The following ANO1 variants were observed in gnomAD, a reference collection of about 807,000 sequenced individuals.
ANO1 encodes the protein anoctamin 1, also known as anoctamin-1.
In ANO1, 59 loss-of-function variants were observed where a neutral mutation model predicts 124.0. That is an observed-to-expected ratio of 0.48 (90% CI 0.39 to 0.59). ANO1 has a LOEUF of 0.59. ANO1 is among the 20% of genes least tolerant of loss of function. ANO1 has a pLI of 0.00. For synonymous variants in ANO1, 529 were observed against 532.0 expected (o/e 0.99, Z 0.08); for missense variants, 1,059 against 1,328.0 (o/e 0.80, Z 3.15).
chr11:70,002,126 T>C (rs566896587), intron 1 of ANO1, among the ~76,000 whole-genome samples: 1 of 152,262 alleles, frequency 6.6e-6, no homozygotes, highest in African/African-American at 2.4e-5. Flanking sequence ...AATACCATAT[T>C]TTTAATGTAC....
At chr11:70,106,875 C>T (rs768102535) in intron 5 of ANO1, among the ~76,000 whole-genome samples, 2 of 152,154 alleles carry the variant, frequency 1.3e-5, no homozygotes, top group African/African-American at 2.4e-5. Flanking sequence ...CAGCAGTACT[C>T]GATAGGGAGA....
At chr11:69,995,392 C>A (rs1316395348) in intron 1 of ANO1, among the ~76,000 whole-genome samples, 1 of 152,110 alleles carries the variant, frequency 6.6e-6, no homozygotes, top group African/African-American at 2.4e-5. Flanking sequence ...CCACCATGCC[C>A]GGCCACTGGC....
upstream of ANO1, among the ~76,000 whole-genome samples, chr11:70,076,230 A>G (rs1417969785): frequency 2.6e-5 from 4 of 152,220 alleles, no homozygotes; most frequent in Non-Finnish European, 5.9e-5. Context: ...TACAGTATAA[A>G]TCACAGAAAC....
intron 23 of ANO1, 139 bp downstream of exon 23, chr11:70,180,195 T>C (rs1291178816): frequency 2.6e-6 from 2 of 771,764 alleles, no homozygotes; most frequent in East Asian, 5.1e-5. Context: ...GATTCTCTAG[T>C]TATAAATGTC....
At chr11:70,165,400 C>A in intron 19 of ANO1, 70 bp from the exon 20 acceptor site, 2 of 1,316,302 alleles carry the variant, frequency 1.5e-6, no homozygotes, top group Non-Finnish European at 1.1e-6. Flanking sequence ...TGAGGGTGGG[C>A]CTCCCTGCAG....
chr11:70,040,698 C>T lies in ANO1; in HGVS notation c.59-37844C>T, dbSNP rs563069187. 3.9e-4 allele frequency among the ~76,000 whole-genome samples: 59 copies of T among 152,252 alleles called. 1 individual carries two copies. The South Asian group carries it at 0.012, about 31-fold the overall frequency. ...TCAAATAGAATAAAATAAAATGTGA[C>T]TATTGGATGAGGCAGTTCAGAGCCC... is the stretch of plus-strand genomic sequence containing the variant. On this transcript the variant is annotated intron_variant, in intron 1 of 27. Transcript: ENST00000531349.
rs962715300 is a variant in ANO1, at chr11:70,167,532, G to C, written c.2197+145G>C. ...CCATAAGCATCAGGCAGGGAGAAGAGAGATGCAGACCCTGGGATCCTAGTG... is the reference window on the plus strand; with the variant it reads ...CCATAAGCATCAGGCAGGGAGAAGACAGATGCAGACCCTGGGATCCTAGTG... On this transcript the variant is annotated intron_variant, in intron 21 of 25. Transcript: ENST00000355303. The C allele has an allele frequency of 1.2e-5, 15 of 1,233,488 alleles. 1 individual carries two copies. The African/African-American group carries it at 2.3e-4, about 19-fold the overall frequency. The allele number at this position is 1,233,488 out of a possible 1,614,324, so 76.4% of individuals were successfully genotyped here.
chr11:70,060,687 T>C (rs1254670850), intron 1 of ANO1, among the ~76,000 whole-genome samples: 1 of 152,200 alleles, frequency 6.6e-6, no homozygotes, highest in African/African-American at 2.4e-5. Context: ...TGAAGGCCTC[T>C]AGAAGTATTA....
At chr11:70,072,635 G>T (rs1340352880) in intron 1 of ANO1, 1 of 152,252 alleles carries the variant, frequency 6.6e-6, no homozygotes, top group African/African-American at 2.4e-5. Flanking sequence ...TGCCTGTAAC[G>T]TTAGGATCCA....
Position 70,087,865 on chromosome 11 carries a change from G to C in ANO1, c.222G>C (p.Ser74=). The C allele has an allele frequency of 6.2e-7, 1 of 1,612,538 alleles. No homozygotes were observed. Among genetic ancestry groups the C allele is most frequent in the Non-Finnish European group, 8.5e-7 (1 of 1,179,642 alleles). The change falls in exon 2 of 26, where the codon TCG becomes TCC. Residue 74 remains serine, a synonymous_variant. Coordinates refer to ENST00000355303, the MANE Select transcript of ANO1 (RefSeq NM_018043.7). Reference sequence around the variant, plus strand: ...TGGTGTACCATCACAAGAGGCCCTCGGGCAACCGGACCCTGGTCAGGAGGG... The same window carrying C: ...TGGTGTACCATCACAAGAGGCCCTCCGGCAACCGGACCCTGGTCAGGAGGG... ...YILVYHHKRP[S]GNRTLVRRVQ...
the ANO1 span, among the ~76,000 whole-genome samples, chr11:69,978,155 C>G: frequency 6.6e-6 from 1 of 152,186 alleles, no homozygotes; most frequent in East Asian, 1.9e-4. Context: ...CCACGTAACT[C>G]TGAGCTGTGC....
chr11:70,107,969 T>G (rs532163298), intron 5 of ANO1, among the ~76,000 whole-genome samples: 22 of 152,310 alleles, frequency 1.4e-4, no homozygotes, highest in Admixed American at 1.4e-3. Flanking sequence ...CTGTTCCAAC[T>G]CAGCTCTCAG....
chr11:70,126,240 C>G, intron 10 of ANO1, 45 bp downstream of exon 10: 1 of 1,580,532 alleles, frequency 6.3e-7, no homozygotes, highest in Non-Finnish European at 8.6e-7. Context: ...CACAGAGGAG[C>G]CCTCTCCTGC....
At chr11:70,067,911 C>T (rs1857771704) in intron 1 of ANO1, among the ~76,000 whole-genome samples, 1 of 152,248 alleles carries the variant, frequency 6.6e-6, no homozygotes, top group Non-Finnish European at 1.5e-5. Flanking sequence ...TTTTCTGTGG[C>T]TGTCAGATTT....
chr11:70,172,565 A>G (rs1294800466), intron 22 of ANO1, among the ~76,000 whole-genome samples: 1 of 152,132 alleles, frequency 6.6e-6, no homozygotes, highest in Non-Finnish European at 1.5e-5. Flanking sequence ...GCCAAACATA[A>G]TCTTAAGAAA....
chr11:70,138,422 C>A (rs2047028380), intron 11 of ANO1, among the ~76,000 whole-genome samples: 1 of 150,424 alleles, frequency 6.6e-6, no homozygotes, highest in South Asian at 2.1e-4. Context: ...AGGAGAATCG[C>A]TTGAACCCAG....
At chr11:70,112,134 G>A (rs1477721520) in intron 7 of ANO1, among the ~76,000 whole-genome samples, 2 of 152,200 alleles carry the variant, frequency 1.3e-5, no homozygotes. Flanking sequence ...GTCTATTTCT[G>A]CAGAGCAAGT....
rs536837183 is a variant in ANO1 at position 69,990,618 on chromosome 11, G to A, written c.58+4452G>A. On this transcript the variant is annotated intron_variant, in intron 1 of 27. Coordinates refer to the ANO1 transcript ENST00000531349. The stretch of plus-strand genomic sequence containing the variant: ...TTACAGGCCCCCTACTAGTGTATGC[G>A]GGTTCTAGTATCTCCACATCCTTAG... Among the ~76,000 whole-genome samples, 38 of 152,246 alleles carry A rather than the reference G, an allele frequency of 2.5e-4. No homozygotes were observed. In the South Asian group the frequency reaches 2.7e-3, roughly 11 times the overall value.
chr11:69,990,690 C>A (rs1248197122), intron 1 of ANO1, among the ~76,000 whole-genome samples: 1 of 151,820 alleles, frequency 6.6e-6, no homozygotes, highest in Admixed American at 6.6e-5. Context: ...CCTGTGGGTG[C>A]GAAGTGGTAT....
Sources: gnomAD v4.1 joint callset for allele counts (sites outside exome capture counted in the v4.1 genomes callset) on GRCh38, gnomAD v4.1.1 for gene constraint, MANE v1.5 for transcripts, NCBI Gene and HGNC (gene_info 2026-07-23, HGNC 2026-07-21) for gene names.